The following ADAMTSL3 variants were observed in gnomAD, a reference collection of about 807,000 sequenced individuals.
The protein encoded by ADAMTSL3 is ADAMTS like 3.
A neutral mutation model predicts 201.7 loss-of-function variants in ADAMTSL3; 128 were observed. The observed-to-expected ratio is 0.63, with a 90% CI of 0.55 to 0.73. ADAMTSL3 has a LOEUF of 0.73. ADAMTSL3 is among the 30% of genes least tolerant of loss of function. The probability of loss-of-function intolerance (pLI) is 0.00; values close to 1 mark genes in which losing one functional copy is unlikely to be tolerated. For missense variants in ADAMTSL3, 1,990 were observed against 2,119.6 expected (o/e 0.94, Z 1.20); for synonymous variants, 738 against 748.4 (o/e 0.99, Z 0.23).
intron 7 of ADAMTSL3, among the ~76,000 whole-genome samples, chr15:83,851,030 C>G (rs1236312082): frequency 1.3e-5 from 2 of 152,206 alleles, no homozygotes; most frequent in African/African-American, 4.8e-5. Flanking sequence ...CGGGCACATT[C>G]TTGGGCTCCA....
chr15:83,988,443 G>A (rs1203375121), intron 21 of ADAMTSL3, among the ~76,000 whole-genome samples: 22 of 152,182 alleles, frequency 1.4e-4, no homozygotes, highest in African/African-American at 2.4e-5. Context: ...AAAGTGGGAT[G>A]GGAAGACTGG....
intron 5 of ADAMTSL3, among the ~76,000 whole-genome samples, chr15:83,818,568 C>A (rs1049803631): frequency 2.0e-5 from 3 of 152,192 alleles, no homozygotes; most frequent in Non-Finnish European, 4.4e-5. Flanking sequence ...CTCAGGTGAT[C>A]GGCCCGCCTC....
Position 83,858,713 on chromosome 15 carries a change from C to G in ADAMTSL3, c.728-53C>G, listed in dbSNP as rs2064792827. 7 of 1,404,024 alleles carry G rather than the reference C, an allele frequency of 5.0e-6. No homozygotes were observed. The South Asian group carries it at 7.4e-5, about 15-fold the overall frequency. 87.0% of individuals were successfully genotyped at this position (1,404,024 alleles called of 1,614,324 possible). ...CAGTTTTGATTGACTTGCTCATTTTCATGGGCCTTTAGTGTACTGGTTTTA... is the reference window on the plus strand; with the variant it reads ...CAGTTTTGATTGACTTGCTCATTTTGATGGGCCTTTAGTGTACTGGTTTTA... On this transcript the variant is annotated intron_variant, in intron 7 of 29. Transcript: ENST00000286744.
intron 19 of ADAMTSL3, among the ~76,000 whole-genome samples, chr15:83,956,234 C>T (rs900690328): frequency 1.3e-5 from 2 of 152,176 alleles, no homozygotes; most frequent in African/African-American, 2.4e-5. Context: ...TTGCTGTGCT[C>T]TCCCTCCCTG....
At chr15:83,988,880 T>TTTAC in intron 22 of ADAMTSL3, 62 bp downstream of exon 22, 1 of 1,050,816 alleles carries the variant, frequency 9.5e-7, no homozygotes. Flanking sequence ...TATTTATTTA[T>TTTAC]TTATTTATTT....
intron 6 of ADAMTSL3, among the ~76,000 whole-genome samples, chr15:83,831,091 TC>T (rs1395742447): frequency 6.6e-6 from 1 of 152,192 alleles, no homozygotes; most frequent in Non-Finnish European, 1.5e-5. Flanking sequence ...TTTTTGGTGT[TC>T]CTTGCTTGTG....
chr15:83,978,975 A>G (rs1310771714), intron 20 of ADAMTSL3, among the ~76,000 whole-genome samples: 5 of 152,224 alleles, frequency 3.3e-5, no homozygotes, highest in Admixed American at 3.3e-4. Context: ...AATCCCATCA[A>G]CTTTAAGCCC....
At chr15:83,816,551 T>C (rs1173784063) in intron 5 of ADAMTSL3, among the ~76,000 whole-genome samples, 1 of 152,222 alleles carries the variant, frequency 6.6e-6, no homozygotes. Context: ...TGCAAAGAAG[T>C]TGCTTGCATC....
At chr15:83,737,348 T>TCC (rs1029852265) in intron 3 of ADAMTSL3, among the ~76,000 whole-genome samples, 27 of 152,110 alleles carry the variant, frequency 1.8e-4, no homozygotes, top group African/African-American at 6.5e-4. Flanking sequence ...TGAATTGTAA[T>TCC]CCCCAGCTGT....
intron 21 of ADAMTSL3, 55 bp from the exon 22 acceptor site, chr15:83,988,636 C>T (rs1369768528): frequency 1.4e-6 from 2 of 1,458,800 alleles, no homozygotes; most frequent in African/African-American, 1.4e-5. Context: ...CTCACTGTAG[C>T]CCTAGGTCAG....
At position 83,718,715 on chromosome 15, in the gene ADAMTSL3, CA is replaced by C. The variant is rs200264391; in HGVS notation, c.189+14211del. 7.2e-4 allele frequency among the ~76,000 whole-genome samples: 108 copies of C among 149,146 alleles called. 1 individual carries two copies. The East Asian group carries it at 0.021, about 29-fold the overall frequency. ...CAAAAAAAAAAAAAAAAAATTGGGA[CA>C]AAATTTGAGCATCAATAAAAGCAAA... On this transcript the variant is annotated intron_variant, in intron 3 of 29. Transcript: ENST00000286744.
intron 3 of ADAMTSL3, among the ~76,000 whole-genome samples, chr15:83,706,809 A>T (rs1231708341): frequency 7.5e-6 from 1 of 133,356 alleles, no homozygotes; most frequent in Admixed American, 7.9e-5. Context: ...GGCATTAGGC[A>T]TGTACCACCA....
intron 8 of ADAMTSL3, among the ~76,000 whole-genome samples, chr15:83,868,933 C>T (rs560332923): frequency 1.3e-5 from 2 of 152,160 alleles, no homozygotes; most frequent in African/African-American, 4.8e-5. Context: ...CTGGTCCTCC[C>T]TTCCTCCCAG....
At chr15:83,785,537 CTTTA>C (rs977162075) in intron 4 of ADAMTSL3, among the ~76,000 whole-genome samples, 16 of 152,004 alleles carry the variant, frequency 1.1e-4, no homozygotes, top group African/African-American at 3.9e-4. Flanking sequence ...CCATAGGAGT[CTTTA>C]TTTTTTCCCT....
intron 3 of ADAMTSL3, among the ~76,000 whole-genome samples, chr15:83,713,983 G>A (rs991145267): frequency 3.3e-5 from 5 of 152,140 alleles, no homozygotes; most frequent in African/African-American, 7.2e-5. Context: ...GAGCTGAGAC[G>A]TGTTGAGGGC....
intron 28 of ADAMTSL3, among the ~76,000 whole-genome samples, chr15:84,035,043 T>G: frequency 6.6e-6 from 1 of 152,156 alleles, no homozygotes; most frequent in East Asian, 1.9e-4. Flanking sequence ...CCTTGCTTTT[T>G]ATTTATTATG....
At chr15:83,911,170 C>T (rs1368428114) in intron 15 of ADAMTSL3, among the ~76,000 whole-genome samples, 1 of 152,216 alleles carries the variant, frequency 6.6e-6, no homozygotes, top group African/African-American at 2.4e-5. Flanking sequence ...TCTTTACACA[C>T]TCTAGTTCCT....
At chr15:83,903,064 A>T (rs1278776223) in intron 15 of ADAMTSL3, among the ~76,000 whole-genome samples, 1 of 152,048 alleles carries the variant, frequency 6.6e-6, no homozygotes, top group Non-Finnish European at 1.5e-5. Context: ...TATGTATCTC[A>T]AAAAGAAGTC....
intron 7 of ADAMTSL3, among the ~76,000 whole-genome samples, chr15:83,852,195 C>A (rs573324581): frequency 8.1e-6 from 1 of 122,826 alleles, no homozygotes; most frequent in South Asian, 2.6e-4. Context: ...TCACTATGAC[C>A]CCCGCCTCCT....
Sources: allele counts gnomAD v4.1 joint callset (sites outside exome capture counted in the v4.1 genomes callset), GRCh38; gene constraint gnomAD v4.1.1; transcripts MANE v1.5; gene names NCBI Gene and HGNC (gene_info 2026-07-23, HGNC 2026-07-21).